The following ARHGAP36 variants were observed in gnomAD, a reference collection of about 807,000 sequenced individuals.
ARHGAP36 encodes rho GTPase-activating protein 36.
In ARHGAP36, 7 loss-of-function variants were observed where a neutral mutation model predicts 32.9. The ratio of observed to expected loss-of-function variants is 0.21; its 90% CI spans 0.12 to 0.40. The LOEUF (loss-of-function observed/expected upper bound fraction) is 0.40, where lower values mean the gene tolerates loss of function less well. Among genes scored for constraint, ARHGAP36 ranks in the 10% least tolerant of loss-of-function variants. The pLI is 1.00. For synonymous variants in ARHGAP36, 165 were observed against 168.3 expected (o/e 0.98, Z 0.15); for missense variants, 383 against 442.2 (o/e 0.87, Z 1.20).
Position 131,085,182 on chromosome X carries a change from A to G in ARHGAP36, c.955+118A>G, listed in dbSNP as rs879251926. On this transcript the variant is annotated intron_variant, in intron 7 of 11. Coordinates refer to ENST00000276211, the MANE Select transcript of ARHGAP36 (RefSeq NM_144967.4). ...GAAGAACTAAGGCAAAATGACCATA[A>G]GAAGATTTTAAAAACCTCTCCAGAA... 1.7e-5 allele frequency: 13 copies of G among 756,384 alleles called. No individual in the cohort carries two copies. The South Asian group carries it at 6.1e-4, about 35-fold the overall frequency. 62.3% of individuals were successfully genotyped at this position (756,384 alleles called of 1,213,427 possible).
intron 1 of ARHGAP36, among the ~76,000 whole-genome samples, chrX:131,068,020 C>G (rs978837513): frequency 8.9e-6 from 1 of 111,757 alleles, no homozygotes; most frequent in Admixed American, 9.4e-5. Flanking sequence ...CCGGCAGGAA[C>G]AGCACACACC....
In ARHGAP36 at chrX:131,071,940, A is replaced by T. The variant is rs945524057; in HGVS notation, c.-142-9584A>T. ...AAATTCTCCCACTTAAGATCTTGTGATTATAACCCCATATTGCCCTTGTTG... is the reference window on the plus strand; with the variant it reads ...AAATTCTCCCACTTAAGATCTTGTGTTTATAACCCCATATTGCCCTTGTTG... On this transcript the variant is annotated intron_variant, in intron 1 of 11. Transcript: ENST00000276211. 6.2e-5 allele frequency among the ~76,000 whole-genome samples: 7 copies of T among 112,138 alleles called. 1 individual carries two copies. The highest frequency in any genetic ancestry group is 3.8e-4 in the Admixed American group (4 of 10,621).
In ARHGAP36 at chrX:131,084,748, C is replaced by T. The variant is rs755037555; in HGVS notation, c.804+67C>T. ...AGAGCAGGAGGAGGTGGGGTTTCCC[C>T]ATAGACCTGACTACCTGGTGGGGGG... On this transcript the variant is annotated intron_variant, in intron 6 of 11. Transcript: ENST00000276211. The T allele has an allele frequency of 1.0e-5, 12 of 1,187,862 alleles. No homozygotes were observed. In the Admixed American group the frequency reaches 1.3e-4, roughly 13 times the overall value.
chrX:131,062,894 G>T (rs1187165890), intron 1 of ARHGAP36, among the ~76,000 whole-genome samples: 1 of 111,655 alleles, frequency 9.0e-6, no homozygotes, highest in Non-Finnish European at 1.9e-5. Flanking sequence ...AATCCTTTTT[G>T]ATCTGACTTC....
At chrX:131,088,040 G>A (rs1338111306) in intron 11 of ARHGAP36, among the ~76,000 whole-genome samples, 1 of 112,527 alleles carries the variant, frequency 8.9e-6, no homozygotes, top group Non-Finnish European at 1.9e-5. Flanking sequence ...TGTGGAAGAA[G>A]TCCCAATGCC....
Sources: gnomAD v4.1 joint callset for allele counts (sites outside exome capture counted in the v4.1 genomes callset) on GRCh38, gnomAD v4.1.1 for gene constraint, MANE v1.5 for transcripts, NCBI Gene and HGNC (gene_info 2026-07-23, HGNC 2026-07-21) for gene names.